Variants in PDE6D observed in about 807,000 individuals in gnomAD.
PDE6D encodes the protein phosphodiesterase 6D, also known as retinal rod rhodopsin-sensitive cGMP 3',5'-cyclic phosphodiesterase subunit delta.
Under a neutral mutation model 21.9 loss-of-function variants are expected in PDE6D, and 10 were observed. The ratio of observed to expected loss-of-function variants is 0.46; its 90% CI spans 0.28 to 0.78. The LOEUF (loss-of-function observed/expected upper bound fraction) is 0.78, where lower values mean the gene tolerates loss of function less well. Ranked by LOEUF, PDE6D falls within the 30% of genes least tolerant of loss-of-function variation. The pLI is 0.12. For synonymous variants in PDE6D, 59 were observed against 63.5 expected, an observed-to-expected ratio of 0.93 and a Z score of 0.34; for missense variants, 139 against 184.8, an observed-to-expected ratio of 0.75 and a Z score of 1.44.
Position 231,781,240 on chromosome 2 carries a change from G to T in PDE6D, c.-126C>A. On this transcript the variant is annotated 5_prime_UTR_variant, in exon 1 of 5. In the 5' UTR this introduces an upstream ATG that the reference lacks. Transcript: ENST00000287600. The stretch of plus-strand genomic sequence containing the variant: ...CTCGGGCTAGCAGCCGCAGCGGCCA[G>T]ACCAGGACCGGCCTCTCTCTCCCCT... 1 of 829,874 alleles carries T rather than the reference G, an allele frequency of 1.2e-6. No individual in the cohort carries two copies. The highest frequency in any genetic ancestry group is 1.5e-5 in the South Asian group (1 of 64,610). The allele number at this position is 829,874 out of a possible 1,614,324, so 51.4% of individuals were successfully genotyped here.
At chr2:231,738,220 T>C (rs2048719390) in intron 2 of PDE6D, 82 bp from the exon 3 acceptor site, 2 of 1,315,724 alleles carry the variant, frequency 1.5e-6, no homozygotes, top group Admixed American at 4.4e-5. Context: ...GGGAGCTTCT[T>C]ACAGCTGATT....
intron 1 of PDE6D, among the ~76,000 whole-genome samples, chr2:231,751,312 C>T (rs114622059): frequency 2.4e-3 from 358 of 152,220 alleles, no homozygotes; most frequent in African/African-American, 8.3e-3. Flanking sequence ...CTTACCACCT[C>T]GTGTGGCTAA....
chr2:231,761,605 A>C (rs1357241914), intron 1 of PDE6D, among the ~76,000 whole-genome samples: 2 of 152,244 alleles, frequency 1.3e-5, no homozygotes, highest in African/African-American at 4.8e-5. Flanking sequence ...GCATGAGGCC[A>C]GGGAAAAGGT....
At chr2:231,740,680 C>CAAA (rs3074722) in intron 1 of PDE6D, among the ~76,000 whole-genome samples, 16 of 56,930 alleles carry the variant, frequency 2.8e-4, no homozygotes, top group African/African-American at 5.2e-4. Context: ...GACCCTGTCT[C>CAAA]AAAAAAAAAA....
chr2:231,755,975 A>G (rs777371006), intron 1 of PDE6D, among the ~76,000 whole-genome samples: 5 of 152,078 alleles, frequency 3.3e-5, no homozygotes, highest in African/African-American at 4.8e-5. Flanking sequence ...AAAACTGTGC[A>G]CTTCTGAAAC....
intron 4 of PDE6D, among the ~76,000 whole-genome samples, chr2:231,736,624 G>A (rs2048704646): frequency 6.6e-6 from 1 of 152,150 alleles, no homozygotes; most frequent in Non-Finnish European, 1.5e-5. Context: ...TATTAATATG[G>A]TAAGCCATTC....
At chr2:231,740,963 AC>A (rs2048743849) in intron 1 of PDE6D, among the ~76,000 whole-genome samples, 1 of 150,858 alleles carries the variant, frequency 6.6e-6, no homozygotes. Flanking sequence ...ACATGGAGAA[AC>A]CCCATCTCTA....
intron 1 of PDE6D, among the ~76,000 whole-genome samples, chr2:231,762,485 C>T (rs919714250): frequency 2.0e-5 from 3 of 151,872 alleles, no homozygotes; most frequent in African/African-American, 7.3e-5. Flanking sequence ...GCTGGGATTA[C>T]AGGTGGGCAC....
intron 1 of PDE6D, among the ~76,000 whole-genome samples, chr2:231,745,098 A>T (rs575044376): frequency 6.6e-6 from 1 of 152,176 alleles, no homozygotes; most frequent in Non-Finnish European, 1.5e-5. Flanking sequence ...GAAATCCATA[A>T]TAGTCTATTA....
chr2:231,757,445 G>A (rs2048891683), intron 1 of PDE6D, among the ~76,000 whole-genome samples: 1 of 152,194 alleles, frequency 6.6e-6, no homozygotes, highest in East Asian at 1.9e-4. Flanking sequence ...TTATAGGAGC[G>A]TGCGACCACG....
In PDE6D at chr2:231,756,263, G is replaced by A. The variant is rs977324719; in HGVS notation, c.51-17075C>T. Among the ~76,000 whole-genome samples the A allele has an allele frequency of 3.3e-4, 50 of 152,182 alleles. 1 individual carries two copies. Among genetic ancestry groups the A allele is most frequent in the Admixed American group, 3.3e-3 (50 of 15,274 alleles). On this transcript the variant is annotated intron_variant, in intron 1 of 4. Coordinates refer to ENST00000287600, the MANE Select transcript of PDE6D (RefSeq NM_002601.4). ...TTATTCCCAAAGGTTTGGGCAAGAA[G>A]ACATATTCGACTTTGATTACAACAT...
chr2:231,736,024 T>C (rs2048697925), intron 4 of PDE6D, among the ~76,000 whole-genome samples: 1 of 138,202 alleles, frequency 7.2e-6, no homozygotes, highest in African/African-American at 2.6e-5. Flanking sequence ...CGAGACTCTG[T>C]CTCAAAAAAA....
chr2:231,740,980 A>G (rs1198815039), intron 1 of PDE6D, among the ~76,000 whole-genome samples: 1 of 151,728 alleles, frequency 6.6e-6, no homozygotes, highest in East Asian at 1.9e-4. Flanking sequence ...CTCTACCGAA[A>G]ACACAAAATT....
Position 231,748,750 on chromosome 2 carries a change from GGTGCCATGTCCCA to G in PDE6D, c.51-9575_51-9563del, listed in dbSNP as rs2048813417. The stretch of plus-strand genomic sequence containing the variant: ...TTCCCCATGCTGTGTGCAGCCACTT[GGTGCCATGTCCCA>G]GCTGCTCCAGCCGTGGCTAAAAGGG... On this transcript the variant is annotated intron_variant, in intron 1 of 4. Coordinates refer to ENST00000287600, the MANE Select transcript of PDE6D (RefSeq NM_002601.4). Among the ~76,000 whole-genome samples, 9 of 152,194 alleles carry G rather than the reference GGTGCCATGTCCCA, an allele frequency of 5.9e-5. No homozygotes were observed. In the South Asian group the frequency reaches 1.9e-3, roughly 31 times the overall value.
At chr2:231,754,850 C>T (rs1165237370) in intron 1 of PDE6D, among the ~76,000 whole-genome samples, 1 of 152,172 alleles carries the variant, frequency 6.6e-6, no homozygotes, top group African/African-American at 2.4e-5. Context: ...CTTCTTCTTG[C>T]TCTGCTATCA....
At chr2:231,767,516 C>T (rs1412983889) in intron 1 of PDE6D, among the ~76,000 whole-genome samples, 10 of 151,978 alleles carry the variant, frequency 6.6e-5, no homozygotes, top group African/African-American at 9.7e-5. Context: ...AGGGTTTCAC[C>T]GAGTTAGCCA....
chr2:231,780,416 G>A (rs893263011), intron 1 of PDE6D, among the ~76,000 whole-genome samples: 6 of 152,134 alleles, frequency 3.9e-5, no homozygotes, highest in Non-Finnish European at 7.3e-5. Flanking sequence ...GCCTGAGAAG[G>A]CCAAGAGTGT....
At chr2:231,740,381 G>A (rs1033397660) in intron 1 of PDE6D, among the ~76,000 whole-genome samples, 1 of 152,080 alleles carries the variant, frequency 6.6e-6, no homozygotes. Context: ...AAAAAGGCAA[G>A]GATAGAAAAC....
chr2:231,755,916 A>T (rs1477235757), intron 1 of PDE6D, among the ~76,000 whole-genome samples: 1 of 144,844 alleles, frequency 6.9e-6, no homozygotes, highest in Non-Finnish European at 1.6e-5. Context: ...GCAAAACTCC[A>T]TCTCAAAAAA....
Sources: allele counts gnomAD v4.1 joint callset (sites outside exome capture counted in the v4.1 genomes callset), GRCh38; gene constraint gnomAD v4.1.1; transcripts MANE v1.5; gene names NCBI Gene and HGNC (gene_info 2026-07-23, HGNC 2026-07-21).